The following TNFAIP8 variants were observed in gnomAD, a reference collection of about 807,000 sequenced individuals.
The protein encoded by TNFAIP8 is TNF alpha induced protein 8, also known as tumor necrosis factor alpha-induced protein 8.
A neutral mutation model predicts 13.3 loss-of-function variants in TNFAIP8; 7 were observed. The observed-to-expected ratio is 0.52, with a 90% CI of 0.30 to 0.99. TNFAIP8 has a LOEUF of 0.99. Among genes scored for constraint, TNFAIP8 ranks in the 50% least tolerant of loss-of-function variants. The pLI, the probability that TNFAIP8 is intolerant of heterozygous loss-of-function variation, is 0.07. For synonymous variants in TNFAIP8, 94 were observed against 87.6 expected, an observed-to-expected ratio of 1.07 and a Z score of -0.41; for missense variants, 258 against 236.9, an observed-to-expected ratio of 1.09 and a Z score of -0.58.
At chr5:119,297,251 A>G (rs1252186623) in intron 1 of TNFAIP8, among the ~76,000 whole-genome samples, 1 of 152,056 alleles carries the variant, frequency 6.6e-6, no homozygotes, top group African/African-American at 2.4e-5. Flanking sequence ...TTAGTGCTAT[A>G]AATTTCCCTC....
At chr5:119,352,799 A>C (rs1374430840), upstream of TNFAIP8, among the ~76,000 whole-genome samples, 1 of 152,236 alleles carries the variant, frequency 6.6e-6, no homozygotes, top group Non-Finnish European at 1.5e-5. Context: ...AGTTGGTGTT[A>C]ATAAACCTTC....
intron 1 of TNFAIP8, among the ~76,000 whole-genome samples, chr5:119,295,170 TTTAGG>T (rs1749128742): frequency 6.7e-6 from 1 of 148,676 alleles, no homozygotes. Context: ...ATTTTATGGT[TTTAGG>T]TCTAACGTTT....
intron 1 of TNFAIP8, among the ~76,000 whole-genome samples, chr5:119,366,756 T>C (rs755565053): frequency 2.6e-5 from 4 of 152,174 alleles, no homozygotes; most frequent in African/African-American, 4.8e-5. Flanking sequence ...TCCTGAAGGA[T>C]TTCAGGCAGA....
chr5:119,314,426 C>T (rs1379007633), intron 1 of TNFAIP8, among the ~76,000 whole-genome samples: 1 of 152,160 alleles, frequency 6.6e-6, no homozygotes, highest in Non-Finnish European at 1.5e-5. Flanking sequence ...TATACACATG[C>T]ACACACACAC....
At chr5:119,361,056 G>A (rs972833331) in intron 1 of TNFAIP8, among the ~76,000 whole-genome samples, 1 of 152,188 alleles carries the variant, frequency 6.6e-6, no homozygotes, top group Non-Finnish European at 1.5e-5. Flanking sequence ...CTTCCTTGGG[G>A]AGAAGGTATG....
intron 1 of TNFAIP8, among the ~76,000 whole-genome samples, chr5:119,317,682 T>C (rs1182651835): frequency 1.3e-5 from 2 of 151,890 alleles, no homozygotes; most frequent in Non-Finnish European, 2.9e-5. Flanking sequence ...CACTGCAACC[T>C]CCACCTCCCA....
At chr5:119,292,331 AAT>A (rs1749013173) in intron 1 of TNFAIP8, among the ~76,000 whole-genome samples, 1 of 123,940 alleles carries the variant, frequency 8.1e-6, no homozygotes, top group African/African-American at 2.7e-5. Context: ...AAAAAAGAAG[AAT>A]GGGCCGTACT....
At position 119,393,251 on chromosome 5, in the gene TNFAIP8, A is replaced by C; in HGVS notation, c.467A>C (p.Asn156Thr). 6.2e-7 allele frequency: 1 copy of C among 1,614,020 alleles called. No homozygotes were observed. Among genetic ancestry groups the C allele is most frequent in the Non-Finnish European group, 8.5e-7 (1 of 1,179,882 alleles). The change falls in exon 2 of 2, where the codon AAT (asparagine) becomes ACT (threonine). Residue 156 changes from asparagine to threonine, a missense_variant. Coordinates refer to ENST00000504771, the MANE Select transcript of TNFAIP8 (RefSeq NM_014350.4). ...ACTGCCAAGTCACATGGACGGGTTA[A>C]TAATGTGTTTGATCATTTTTCAGAT... ...HLTAKSHGRV[N>T]NVFDHFSDCE...
At chr5:119,382,976 C>A (rs748796612) in intron 1 of TNFAIP8, among the ~76,000 whole-genome samples, 10 of 152,204 alleles carry the variant, frequency 6.6e-5, no homozygotes, top group Non-Finnish European at 1.2e-4. Flanking sequence ...CTTGGGTAAG[C>A]AAAGTTAAAA....
At chr5:119,355,869 A>G, upstream of TNFAIP8, 1 of 1,105,442 alleles carries the variant, frequency 9.0e-7, no homozygotes, top group Non-Finnish European at 1.1e-6. Context: ...CCGGGGGCGG[A>G]CTCCCGCCGC....
chr5:119,289,136 A>C (rs1219487403), intron 1 of TNFAIP8, among the ~76,000 whole-genome samples: 1 of 152,130 alleles, frequency 6.6e-6, no homozygotes, highest in East Asian at 1.9e-4. Flanking sequence ...ACCTGTTAGG[A>C]ATTAGTGTAT....
intron 1 of TNFAIP8, among the ~76,000 whole-genome samples, chr5:119,309,505 G>T (rs35956442): frequency 0.14 from 20,908 of 152,074 alleles, 3,833 homozygotes; most frequent in African/African-American, 0.42. Context: ...TCTCCAAAAG[G>T]GATTCCCTTT....
chr5:119,308,646 C>T (rs1049848928), intron 1 of TNFAIP8, among the ~76,000 whole-genome samples: 4 of 151,990 alleles, frequency 2.6e-5, no homozygotes, highest in East Asian at 3.9e-4. Flanking sequence ...GGGTAGATCA[C>T]GAGGTCAGGA....
At chr5:119,286,217 G>A (rs1296735622) in intron 1 of TNFAIP8, among the ~76,000 whole-genome samples, 2 of 152,032 alleles carry the variant, frequency 1.3e-5, no homozygotes, top group East Asian at 3.8e-4. Context: ...CCCAATGTTG[G>A]GTAACTCCCT....
chr5:119,387,783 A>C (rs1197950117), intron 1 of TNFAIP8, among the ~76,000 whole-genome samples: 2 of 152,220 alleles, frequency 1.3e-5, no homozygotes. Context: ...AGAGACAGAG[A>C]GGGAGGGAGG....
chr5:119,367,870 A>G (rs1751920519), intron 1 of TNFAIP8, among the ~76,000 whole-genome samples: 1 of 152,172 alleles, frequency 6.6e-6, no homozygotes, highest in Non-Finnish European at 1.5e-5. Context: ...TACCTGACAT[A>G]TTCTATTATA....
intron 1 of TNFAIP8, among the ~76,000 whole-genome samples, chr5:119,350,591 G>A (rs1751086830): frequency 6.6e-6 from 1 of 152,176 alleles, no homozygotes; most frequent in Non-Finnish European, 1.5e-5. Context: ...TTTCTTAGAA[G>A]AGAAATACAC....
chr5:119,309,713 C>A (rs1487851165), intron 1 of TNFAIP8, among the ~76,000 whole-genome samples: 1 of 152,148 alleles, frequency 6.6e-6, no homozygotes, highest in Non-Finnish European at 1.5e-5. Context: ...GACACATCAC[C>A]CCAGTCTCAG....
intron 1 of TNFAIP8, among the ~76,000 whole-genome samples, chr5:119,372,321 T>G (rs1397416154): frequency 9.9e-5 from 5 of 50,512 alleles, no homozygotes; most frequent in African/African-American, 3.2e-4. Context: ...AGACCCTGTC[T>G]CAAAAAAAAA....
Sources: gnomAD v4.1 joint callset for allele counts (sites outside exome capture counted in the v4.1 genomes callset) on GRCh38, gnomAD v4.1.1 for gene constraint, MANE v1.5 for transcripts, NCBI Gene and HGNC (gene_info 2026-07-23, HGNC 2026-07-21) for gene names.